The following HEATR5A variants were observed in gnomAD, a reference collection of about 807,000 sequenced individuals.
The protein encoded by HEATR5A is HEAT repeat-containing protein 5A.
HEATR5A carries 178 observed loss-of-function variants against 218.8 expected under a neutral mutation model. The ratio of observed to expected loss-of-function variants is 0.81; its 90% CI spans 0.72 to 0.92. HEATR5A has a LOEUF of 0.92. HEATR5A is among the 40% of genes least tolerant of loss of function. The probability of loss-of-function intolerance (pLI) is 0.00; values close to 1 mark genes in which losing one functional copy is unlikely to be tolerated. For synonymous variants in HEATR5A, 864 were observed against 871.6 expected, an observed-to-expected ratio of 0.99 and a Z score of 0.15; for missense variants, 2,420 against 2,418.9, an observed-to-expected ratio of 1.00 and a Z score of -0.01.
At chr14:31,364,447 T>G in intron 13 of HEATR5A, 149 bp from the exon 14 acceptor site, 2 of 537,666 alleles carry the variant, frequency 3.7e-6, no homozygotes, top group East Asian at 3.1e-5. Flanking sequence ...TGAGACAGGG[T>G]CCAGCTCTGT....
intron 14 of HEATR5A, among the ~76,000 whole-genome samples, chr14:31,361,048 T>G (rs967229336): frequency 5.3e-5 from 8 of 152,188 alleles, no homozygotes; most frequent in Non-Finnish European, 1.2e-4. Context: ...GTTAGTATGT[T>G]GTTTTACAGG....
rs539184480 is a variant in HEATR5A at position 31,378,873 on chromosome 14, C to T, written c.1708+1594G>A. On this transcript the variant is annotated intron_variant, in intron 11 of 35. Transcript: ENST00000543095. Reference sequence around the variant, plus strand: ...TATTCTAATTTAAGCTCCTTTAGGTCAAATTACTTTATAGGTGTCAAAATG... The same window carrying T: ...TATTCTAATTTAAGCTCCTTTAGGTTAAATTACTTTATAGGTGTCAAAATG... Among the ~76,000 whole-genome samples, 30 of 151,388 alleles carry T rather than the reference C, an allele frequency of 2.0e-4. No individual in the cohort carries two copies. In the South Asian group the frequency reaches 5.0e-3, roughly 25 times the overall value.
rs191076862 is a variant in HEATR5A at position 31,348,088 on chromosome 14, A to T, written c.2709-181T>A. 3.2e-3 allele frequency among the ~76,000 whole-genome samples: 492 copies of T among 152,344 alleles called. 3 individuals are homozygous for T. Among genetic ancestry groups the T allele is most frequent in the South Asian group, 0.017 (82 of 4,822 alleles). ...GTAACCGAAAGGCATCTTGCAAAGG[A>T]AAACATTTTGAATCAAAATGTCCTC... On this transcript the variant is annotated intron_variant, in intron 18 of 35. Transcript: ENST00000543095.
chr14:31,368,499 G>T (rs533234063), intron 13 of HEATR5A, among the ~76,000 whole-genome samples: 4 of 152,250 alleles, frequency 2.6e-5, no homozygotes, highest in African/African-American at 9.6e-5. Context: ...ACACTTCAGA[G>T]AGAAATATAA....
intron 14 of HEATR5A, among the ~76,000 whole-genome samples, chr14:31,359,404 A>T (rs1001996638): frequency 2.6e-5 from 4 of 152,064 alleles, no homozygotes; most frequent in African/African-American, 9.7e-5. Context: ...TATGTTTTTT[A>T]AAAAAGCACA....
rs780445681 is a variant in HEATR5A, at chr14:31,371,917, G to T, written c.1862-8C>A. 1 of 1,436,068 alleles carries T rather than the reference G, an allele frequency of 7.0e-7. No homozygotes were observed. Among genetic ancestry groups the T allele is most frequent in the South Asian group, 1.3e-5 (1 of 77,266 alleles). The allele number at this position is 1,436,068 out of a possible 1,614,324, so 89.0% of individuals were successfully genotyped here. A position where few individuals can be genotyped will look rare whatever the true frequency, so the allele number is the denominator to read the frequency against. ...AAACAAAGCTCTTGATAGCTGAAAA[G>T]GAAAACAGACTTTTACTTGGGCATA... On this transcript the variant is annotated splice_polypyrimidine_tract_variant and splice_region_variant and intron_variant, in intron 12 of 35. Coordinates refer to ENST00000543095, the MANE Select transcript of HEATR5A (RefSeq NM_015473.4).
intron 1 of HEATR5A, among the ~76,000 whole-genome samples, chr14:31,408,919 G>A (rs1319052727): frequency 3.5e-5 from 3 of 85,340 alleles, no homozygotes; most frequent in African/African-American, 8.0e-5. Context: ...GTGAAACCCC[G>A]TCTCTACTAA....
At position 31,387,181 on chromosome 14, in the gene HEATR5A, CTT is replaced by C; in HGVS notation, c.1126_1127del (p.Lys376GlyfsTer26). On this transcript the variant is annotated frameshift_variant, in exon 8 of 36. Transcript: ENST00000543095. LOFTEE classifies it high-confidence loss of function. ...TATCCTTTACAGCAGCAAGCTGAGC[CTT>C]TTCTCCAAGAAGACCACCTATAGTA... ...RTTIGGLLGE[K>X]AQLAAVKDIC... The C allele has an allele frequency of 1.2e-6, 2 of 1,613,868 alleles. No individual in the cohort carries two copies. The highest frequency in any genetic ancestry group is 1.7e-6 in the Non-Finnish European group (2 of 1,179,832).
In HEATR5A at chr14:31,321,526, A is replaced by G. The variant is rs1199259301; in HGVS notation, c.3942T>C (p.His1314=). ...TGGCTTGATACTGTTCCAGAATCAC[A>G]TGACCTGGAAACTCTGGTTCTGGAA... ...ATVPEPEFPG[H]VILEQYQANV... is the part of the protein sequence containing the mutation. Residue 1314 remains histidine, a synonymous_variant, in exon 25 of 36, where the codon CAT becomes CAC. Transcript: ENST00000543095. 1 of 1,600,896 alleles carries G rather than the reference A, an allele frequency of 6.2e-7. No homozygotes were observed. Among genetic ancestry groups the G allele is most frequent in the African/African-American group, 1.3e-5 (1 of 74,840 alleles).
chr14:31,388,295 C>T (rs531012806), intron 7 of HEATR5A, among the ~76,000 whole-genome samples: 8 of 151,780 alleles, frequency 5.3e-5, no homozygotes, highest in Non-Finnish European at 1.0e-4. Context: ...TGAATGATAA[C>T]GGTGTTTAGA....
At chr14:31,413,149 GT>G (rs796178387) in intron 1 of HEATR5A, among the ~76,000 whole-genome samples, 1 of 152,238 alleles carries the variant, frequency 6.6e-6, no homozygotes, top group South Asian at 2.1e-4. Context: ...TGCAAACTTG[GT>G]AGGAACGGGA....
chr14:31,419,175 G>C (rs2139336899), intron 1 of HEATR5A, among the ~76,000 whole-genome samples: 2 of 151,886 alleles, frequency 1.3e-5, no homozygotes, highest in Middle Eastern at 6.8e-3. Flanking sequence ...CTATTCTATA[G>C]TCATCTAGGT....
At chr14:31,321,381 A>C in intron 25 of HEATR5A, 118 bp downstream of exon 25, 4 of 664,760 alleles carry the variant, frequency 6.0e-6, no homozygotes, top group East Asian at 3.0e-5. Flanking sequence ...GCTCAAAGCT[A>C]CCTACCCGCC....
At chr14:31,357,795 T>C (rs1480205218) in intron 16 of HEATR5A, among the ~76,000 whole-genome samples, 2 of 152,216 alleles carry the variant, frequency 1.3e-5, no homozygotes. Context: ...CATATATACA[T>C]TGTGAAATAG....
chr14:31,384,492 A>C (rs2030126178), intron 9 of HEATR5A, among the ~76,000 whole-genome samples: 1 of 148,126 alleles, frequency 6.8e-6, no homozygotes, highest in South Asian at 2.1e-4. Flanking sequence ...TTTATTTTTT[A>C]ATCCTTCTAG....
intron 33 of HEATR5A, 41 bp downstream of exon 33, chr14:31,302,254 T>C (rs200649297): frequency 4.0e-5 from 58 of 1,440,536 alleles, no homozygotes; most frequent in Non-Finnish European, 5.5e-5. Flanking sequence ...TCTTCTCACT[T>C]TTTAAGACAA....
chr14:31,356,201 C>A (rs1255614072), intron 16 of HEATR5A, among the ~76,000 whole-genome samples: 1 of 152,162 alleles, frequency 6.6e-6, no homozygotes, highest in Non-Finnish European at 1.5e-5. Context: ...CTGCTTATAA[C>A]CCACTTTCTG....
rs1243688007 is a variant in HEATR5A at position 31,309,049 on chromosome 14, T to G, written c.4575A>C (p.Gly1525=). ...TTACAGGCCTGGAGAGATTAGATGCTCCTTCATCTGGGTCAGCAACAACAA... is the reference window on the plus strand; with the variant it reads ...TTACAGGCCTGGAGAGATTAGATGCGCCTTCATCTGGGTCAGCAACAACAA... The part of the protein sequence containing the change: ...TGFVVADPDE[G]ASNLSRPVTP... Residue 1525 remains glycine, a synonymous_variant, in exon 29 of 36, where the codon GGA becomes GGC. Coordinates refer to ENST00000543095, the MANE Select transcript of HEATR5A (RefSeq NM_015473.4). 6.2e-7 allele frequency: 1 copy of G among 1,613,916 alleles called. No individual in the cohort carries two copies. The highest frequency in any genetic ancestry group is 8.5e-7 in the Non-Finnish European group (1 of 1,179,872).
intron 27 of HEATR5A, 141 bp downstream of exon 27, chr14:31,315,629 C>T (rs1163622994): frequency 1.0e-5 from 6 of 590,570 alleles, no homozygotes; most frequent in Non-Finnish European, 1.7e-5. Flanking sequence ...CATATAAATA[C>T]ATCACATGTT....
Sources: gnomAD v4.1 joint callset for allele counts (sites outside exome capture counted in the v4.1 genomes callset) on GRCh38, gnomAD v4.1.1 for gene constraint, MANE v1.5 for transcripts, NCBI Gene and HGNC (gene_info 2026-07-23, HGNC 2026-07-21) for gene names.